GLDC: variants seen among roughly 807,000 people sequenced by gnomAD.
GLDC encodes the protein glycine dehydrogenase (decarboxylating), mitochondrial.
Under a neutral mutation model 121.3 loss-of-function variants are expected in GLDC, and 104 were observed. That is an observed-to-expected ratio of 0.86 (90% confidence interval 0.73 to 1.01). GLDC has a LOEUF of 1.01. GLDC is among the 50% of genes least tolerant of loss of function. The pLI is 0.00. For synonymous variants in GLDC, 546 were observed against 480.6 expected (o/e 1.14, Z -1.78); for missense variants, 1,429 against 1,306.6 (o/e 1.09, Z -1.44).
chr9:6,595,068 C>A lies in GLDC; in HGVS notation c.1207G>T (p.Gly403Trp), dbSNP rs769971731. The A allele has an allele frequency of 6.2e-7, 1 of 1,613,514 alleles. No homozygotes were observed. The highest frequency in any genetic ancestry group is 8.5e-7 in the Non-Finnish European group (1 of 1,179,438). Residue 403 changes from glycine to tryptophan, a missense_variant, in exon 9 of 25, where the codon GGG becomes TGG. Transcript: ENST00000321612. Reference sequence around the variant, plus strand: ...ACCCTCCTAGCAATATGCTCCAGCCCATGGGAACCATGGTAGATTGCAAAC... The same window carrying A: ...ACCCTCCTAGCAATATGCTCCAGCCAATGGGAACCATGGTAGATTGCAAAC... ...AMFAIYHGSHGLEHIARRVHN... is the reference protein window; with the variant it reads ...AMFAIYHGSHWLEHIARRVHN...
chr9:6,536,979 G>A (rs1157218678), intron 22 of GLDC, among the ~76,000 whole-genome samples: 2 of 151,652 alleles, frequency 1.3e-5, no homozygotes, highest in African/African-American at 2.4e-5. Context: ...CAGATTTCCA[G>A]GACAAAAATC....
intron 2 of GLDC, chr9:6,639,330 G>A (rs1050187065): frequency 4.8e-5 from 45 of 933,842 alleles, no homozygotes; most frequent in Admixed American, 1.0e-4. Context: ...ATCCTCGGAA[G>A]AGCGCCCCCA....
At chr9:6,609,940 G>A (rs186194758) in intron 4 of GLDC, among the ~76,000 whole-genome samples, 7 of 151,818 alleles carry the variant, frequency 4.6e-5, no homozygotes, top group Admixed American at 1.3e-4. Context: ...TTTACCCCTC[G>A]CCTGCCAACC....
At chr9:6,585,715 C>A (rs1432753339) in intron 15 of GLDC, among the ~76,000 whole-genome samples, 1 of 152,176 alleles carries the variant, frequency 6.6e-6, no homozygotes, top group Non-Finnish European at 1.5e-5. Flanking sequence ...GAGAACTATA[C>A]TTTGAGCAGC....
chr9:6,534,609 A>G (rs1817078610), intron 24 of GLDC, 99 bp downstream of exon 24: 1 of 727,190 alleles, frequency 1.4e-6, no homozygotes. Context: ...GGTGCCCCAC[A>G]TATGGTTTCT....
intron 13 of GLDC, 39 bp downstream of exon 13, chr9:6,588,579 G>C: frequency 2.0e-6 from 3 of 1,512,062 alleles, no homozygotes; most frequent in Non-Finnish European, 2.8e-6. Flanking sequence ...GTGGGATTGG[G>C]GTAGCTTGGA....
At chr9:6,537,422 T>C (rs1817151220) in intron 22 of GLDC, among the ~76,000 whole-genome samples, 4 of 152,226 alleles carry the variant, frequency 2.6e-5, no homozygotes, top group Admixed American at 1.3e-4. Flanking sequence ...AGCATCATTA[T>C]TACATGGAGT....
At chr9:6,629,959 T>TGTGTGTATA (rs1449751329) in intron 2 of GLDC, among the ~76,000 whole-genome samples, 1 of 55,870 alleles carries the variant, frequency 1.8e-5, no homozygotes, top group African/African-American at 1.5e-4. Context: ...ATATATATAT[T>TGTGTGTATA]TTTTTTTTTT....
intron 15 of GLDC, among the ~76,000 whole-genome samples, chr9:6,582,146 C>T (rs111829711): frequency 0.033 from 4,438 of 133,392 alleles, 116 homozygotes; most frequent in Middle Eastern, 0.047. Flanking sequence ...ACCTGAGAGG[C>T]GGAGGTTGCA....
chr9:6,613,798 A>G (rs1243351769), intron 3 of GLDC, among the ~76,000 whole-genome samples: 1 of 152,010 alleles, frequency 6.6e-6, no homozygotes, highest in African/African-American at 2.4e-5. Flanking sequence ...TTTTTTTTAG[A>G]TAGAGTCTTG....
chr9:6,550,813 C>G lies in GLDC; in HGVS notation c.2559G>C (p.Arg853Ser), dbSNP rs1388179193. 4 of 1,607,692 alleles carry G rather than the reference C, an allele frequency of 2.5e-6. No individual in the cohort carries two copies. The East Asian group carries it at 8.9e-5, about 36-fold the overall frequency. Reference sequence around the variant, plus strand: ...AAAGTTGATACTTGCCTCTTGCACCCCTGAAAAGAATTCTGTAGTGTGTTT... The same window carrying G: ...AAAGTTGATACTTGCCTCTTGCACCGCTGAAAAGAATTCTGTAGTGTGTTT... ...RLETHYRILFRGARGYVGHEF... is the reference protein window; with the variant it reads ...RLETHYRILFSGARGYVGHEF... The change falls in exon 21 of 25, where the codon AGG becomes AGC. Residue 853 changes from arginine (R) to serine (S), a missense_variant. By Grantham distance (110) the Arg-to-Ser change is moderately radical. Transcript: ENST00000321612.
intron 24 of GLDC, among the ~76,000 whole-genome samples, chr9:6,534,350 A>C (rs1817070562): frequency 6.6e-6 from 1 of 151,966 alleles, no homozygotes; most frequent in Admixed American, 6.6e-5. Context: ...TCCCTACCTC[A>C]CTCAAACAGA....
At chr9:6,563,629 C>G (rs1250930458) in intron 16 of GLDC, among the ~76,000 whole-genome samples, 2 of 152,198 alleles carry the variant, frequency 1.3e-5, no homozygotes, top group African/African-American at 4.8e-5. Context: ...TGCCGAGACT[C>G]TCAGGTCCCA....
chr9:6,565,614 A>G, intron 15 of GLDC, 185 bp from the exon 16 acceptor site: 1 of 673,882 alleles, frequency 1.5e-6, no homozygotes, highest in East Asian at 2.7e-5. Context: ...CAAAACAATC[A>G]AAGCAACAGC....
chr9:6,568,102 G>C (rs10975647), intron 15 of GLDC, among the ~76,000 whole-genome samples: 7 of 152,054 alleles, frequency 4.6e-5, no homozygotes, highest in Non-Finnish European at 1.5e-5. Flanking sequence ...GTGTAGACTA[G>C]GAATGAAGGA....
intron 2 of GLDC, among the ~76,000 whole-genome samples, chr9:6,641,437 G>A (rs1255184695): frequency 6.6e-6 from 1 of 152,148 alleles, no homozygotes; most frequent in Admixed American, 6.5e-5. Context: ...GGTGAGTCAG[G>A]ACAGAAGTTT....
intron 3 of GLDC, among the ~76,000 whole-genome samples, chr9:6,611,470 C>T (rs565284143): frequency 2.0e-5 from 3 of 151,898 alleles, no homozygotes; most frequent in African/African-American, 4.8e-5. Flanking sequence ...GCAGGAGAAT[C>T]GCTTGAACCC....
intron 15 of GLDC, 62 bp from the exon 16 acceptor site, chr9:6,565,491 A>G: frequency 3.1e-6 from 4 of 1,288,636 alleles, no homozygotes; most frequent in African/African-American, 2.9e-5. Flanking sequence ...TACTCATTCA[A>G]TATTTATTGG....
At chr9:6,608,584 C>CAG (rs1818785432) in intron 4 of GLDC, among the ~76,000 whole-genome samples, 1 of 133,142 alleles carries the variant, frequency 7.5e-6, no homozygotes, top group Admixed American at 7.5e-5. Context: ...ACTAAAAATA[C>CAG]AAAAAAAAAA....
Sources: gnomAD v4.1 joint callset for allele counts (sites outside exome capture counted in the v4.1 genomes callset) on GRCh38, gnomAD v4.1.1 for gene constraint, MANE v1.5 for transcripts, NCBI Gene and HGNC (gene_info 2026-07-23, HGNC 2026-07-21) for gene names.